Variants in SETX observed in about 807,000 individuals in gnomAD.
The protein encoded by SETX is senataxin, also known as helicase senataxin.
In SETX, 90 loss-of-function variants were observed where a neutral mutation model predicts 227.2. That is an observed-to-expected ratio of 0.40 (90% confidence interval 0.33 to 0.47). SETX has a LOEUF of 0.47. Ranked by LOEUF, SETX falls within the 20% of genes least tolerant of loss-of-function variation. The probability of loss-of-function intolerance (pLI) is 0.91; values close to 1 mark genes in which losing one functional copy is unlikely to be tolerated. For synonymous variants in SETX, 1,210 were observed against 1,113.2 expected, an observed-to-expected ratio of 1.09 and a Z score of -1.73; for missense variants, 3,052 against 3,181.5, an observed-to-expected ratio of 0.96 and a Z score of 0.98.
Position 132,264,638 on chromosome 9 carries a change from C to A in SETX, c.7635G>T (p.Met2545Ile). 6.2e-7 allele frequency: 1 copy of A among 1,614,250 alleles called. No homozygotes were observed. Among genetic ancestry groups the A allele is most frequent in the Non-Finnish European group, 8.5e-7 (1 of 1,180,050 alleles). Reference protein sequence around the residue: ...QLQDPRLLKRMGIEVKGGIFL... With the variant: ...QLQDPRLLKRIGIEVKGGIFL... ...ATATTCCTCCTTTGACCTCAATGCC[C>A]ATCCTCTTCAGCAGTCGTGGGTCCT... Residue 2545 changes from methionine to isoleucine, a missense_variant, in exon 26 of 26, where the codon ATG becomes ATT. Around this residue, in one of 10 missense-constraint regions of SETX, gnomAD observed 294 missense variants for 278.8 expected, o/e 1.05. Coordinates refer to ENST00000224140, the MANE Select transcript of SETX (RefSeq NM_015046.7).
Position 132,263,026 on chromosome 9 carries a change from T to G in SETX, c.*1213A>C, listed in dbSNP as rs1842471520. ...CGATCTCCATTCACCATGACCAATTTTTTCCCCCACAAAAGCACTATCACC... is the reference window on the plus strand; with the variant it reads ...CGATCTCCATTCACCATGACCAATTGTTTCCCCCACAAAAGCACTATCACC... On this transcript the variant is annotated 3_prime_UTR_variant, in exon 26 of 26. Coordinates refer to ENST00000224140, the MANE Select transcript of SETX (RefSeq NM_015046.7). 1 of 152,148 alleles carries G rather than the reference T, an allele frequency of 6.6e-6. No homozygotes were observed. The highest frequency in any genetic ancestry group is 2.1e-4 in the South Asian group (1 of 4,832). The allele number at this position is 152,148 out of a possible 1,614,324, so 9.4% of individuals were successfully genotyped here.
rs111843427 is a variant in SETX, at chr9:132,286,001, G to A, written c.6396+422C>T. Among the ~76,000 whole-genome samples the A allele has an allele frequency of 8.1e-3, 1,219 of 150,654 alleles. 19 individuals carry two copies. The highest frequency in any genetic ancestry group is 0.028 in the African/African-American group (1,136 of 40,962). ...AGATCCAGACCATCCTGGCCAACAC[G>A]GTGAAACCCCGTCTCTACTAACAAT... On this transcript the variant is annotated intron_variant, in intron 18 of 25. Transcript: ENST00000224140.
At chr9:132,318,974 G>T (rs1184834) in intron 10 of SETX, among the ~76,000 whole-genome samples, 47 of 152,056 alleles carry the variant, frequency 3.1e-4, no homozygotes, top group African/African-American at 1.1e-3. Flanking sequence ...CTCACAATAT[G>T]TATCAGTTTA....
intron 5 of SETX, among the ~76,000 whole-genome samples, chr9:132,341,121 T>C (rs540063499): frequency 8.5e-5 from 13 of 152,110 alleles, no homozygotes; most frequent in Admixed American, 3.3e-4. Flanking sequence ...CCGGGGTGGG[T>C]GCATCATTTG....
intron 11 of SETX, among the ~76,000 whole-genome samples, chr9:132,303,492 T>C (rs764214213): frequency 6.6e-6 from 1 of 151,542 alleles, no homozygotes; most frequent in South Asian, 2.1e-4. Flanking sequence ...AAATGCTTCT[T>C]AGGATACAAA....
Position 132,277,163 on chromosome 9 carries a change from A to G in SETX, c.6843-11T>C. The G allele has an allele frequency of 6.2e-7, 1 of 1,610,212 alleles. No individual in the cohort carries two copies. The highest frequency in any genetic ancestry group is 8.5e-7 in the Non-Finnish European group (1 of 1,178,618). On this transcript the variant is annotated splice_polypyrimidine_tract_variant and intron_variant, in intron 21 of 25. Transcript: ENST00000224140. The stretch of plus-strand genomic sequence containing the variant: ...ATGGCTTCTGTCTGTCTGTAAAAAA[A>G]AAAAAGCAGTCAACATTCAGAATAA...
At chr9:132,307,576 A>G (rs1393851199) in intron 11 of SETX, among the ~76,000 whole-genome samples, 1 of 152,182 alleles carries the variant, frequency 6.6e-6, no homozygotes, top group African/African-American at 2.4e-5. Flanking sequence ...CTCAGAGCCA[A>G]CTAGAAGGAG....
intron 11 of SETX, among the ~76,000 whole-genome samples, chr9:132,302,297 C>A (rs1326268904): frequency 7.2e-6 from 1 of 139,302 alleles, no homozygotes; most frequent in Middle Eastern, 3.8e-3. Context: ...GCGGAGCTTG[C>A]AGTGAGCCGA....
In SETX at chr9:132,327,221, G is replaced by A. The variant is rs748775010; in HGVS notation, c.4377C>T (p.Ser1459=). The A allele has an allele frequency of 5.6e-6, 9 of 1,614,186 alleles. No individual in the cohort carries two copies. Among genetic ancestry groups the A allele is most frequent in the East Asian group, 4.5e-5 (2 of 44,886 alleles). The change falls in exon 10 of 26, where the codon TCC becomes TCT. Residue 1459 remains serine, a synonymous_variant. Coordinates refer to ENST00000224140, the MANE Select transcript of SETX (RefSeq NM_015046.7). ...GTVPTNEVIV[S]TSEDPLGGGD... The stretch of plus-strand genomic sequence containing the variant: ...CTCCACCCAGAGGGTCTTCTGAAGT[G>A]GAGACAATTACTTCATTTGTTGGTA...
chr9:132,281,439 T>C (rs1843495259), intron 20 of SETX, 28 bp downstream of exon 20: 1 of 1,547,008 alleles, frequency 6.5e-7, no homozygotes, highest in African/African-American at 1.4e-5. Context: ...CCTTCCATTT[T>C]AAAGCAATCT....
chr9:132,331,247 T>G (rs1407430433), intron 8 of SETX, 30 bp downstream of exon 8: 1 of 1,613,202 alleles, frequency 6.2e-7, no homozygotes, highest in Non-Finnish European at 8.5e-7. Context: ...ATAGAGATGA[T>G]GTTTAAATCC....
Position 132,349,283 on chromosome 9 carries a change from T to G in SETX, c.146A>C (p.Lys49Thr). 6.2e-7 allele frequency: 1 copy of G among 1,614,168 alleles called. No homozygotes were observed. Among genetic ancestry groups the G allele is most frequent in the Non-Finnish European group, 8.5e-7 (1 of 1,180,024 alleles). The change falls in exon 3 of 26, where the codon AAA (lysine) becomes ACA (threonine). Residue 49 changes from lysine (K) to threonine (T), a missense_variant. By Grantham distance (78) the Lys-to-Thr change is moderately conservative (BLOSUM62 -1). Coordinates refer to ENST00000224140, the MANE Select transcript of SETX (RefSeq NM_015046.7). ...YCLECVAEYHKARDELPFLHE... is the reference protein window; with the variant it reads ...YCLECVAEYHTARDELPFLHE... The stretch of plus-strand genomic sequence containing the variant: ...CAAGAATGGCAATTCATCTCTTGCT[T>G]TGTGGTACTCAGCCACACACTCCAA...
At chr9:132,287,324 A>G (rs1843966662) in intron 17 of SETX, among the ~76,000 whole-genome samples, 1 of 152,114 alleles carries the variant, frequency 6.6e-6, no homozygotes, top group Non-Finnish European at 1.5e-5. Flanking sequence ...TTTCTACAGA[A>G]AACAAACAAA....
At chr9:132,346,139 G>T in intron 4 of SETX, 122 bp downstream of exon 4, 1 of 786,994 alleles carries the variant, frequency 1.3e-6, no homozygotes, top group Non-Finnish European at 2.1e-6. Context: ...AAAAAATGAA[G>T]TCCTAATTAT....
intron 23 of SETX, among the ~76,000 whole-genome samples, chr9:132,273,088 C>CAA (rs59172554): frequency 6.6e-6 from 1 of 151,450 alleles, no homozygotes; most frequent in East Asian, 1.9e-4. Context: ...AAAAAACACA[C>CAA]AAAAAATGCA....
At chr9:132,266,593 G>A (rs1314111686) in intron 25 of SETX, among the ~76,000 whole-genome samples, 1 of 152,124 alleles carries the variant, frequency 6.6e-6, no homozygotes, top group African/African-American at 2.4e-5. Flanking sequence ...GCAACATGGT[G>A]AAACCCCGTC....
rs1199659912 is a variant in SETX, at chr9:132,330,324, C to A, written c.1274G>T (p.Gly425Val). 6.2e-7 allele frequency: 1 copy of A among 1,612,884 alleles called. No individual in the cohort carries two copies. Among genetic ancestry groups the A allele is most frequent in the Non-Finnish European group, 8.5e-7 (1 of 1,179,124 alleles). Residue 425 changes from glycine to valine, a missense_variant, in exon 10 of 26, where the codon GGT (glycine) becomes GTT (valine). Physicochemically the swap from Gly to Val is moderately radical, Grantham distance 109 (BLOSUM62 -3). Around this residue, in one of 10 missense-constraint regions of SETX, gnomAD observed 179 missense variants for 197.1 expected, o/e 0.91. Coordinates refer to ENST00000224140, the MANE Select transcript of SETX (RefSeq NM_015046.7). ...AACAACCTGTGCTATGTAAGCCACA[C>A]CCAAATCCTTAAGATCCATGAGGGA... ...VQSLMDLKDL[G>V]VAYIAQVVNH...
chr9:132,343,872 C>T (rs1299395472), intron 4 of SETX, among the ~76,000 whole-genome samples: 6 of 152,034 alleles, frequency 3.9e-5, no homozygotes, highest in African/African-American at 1.2e-4. Context: ...TTTAGACAAA[C>T]AGTACAGGAA....
intron 10 of SETX, among the ~76,000 whole-genome samples, chr9:132,312,725 C>G (rs111964474): frequency 6.6e-6 from 1 of 152,166 alleles, no homozygotes; most frequent in Non-Finnish European, 1.5e-5. Flanking sequence ...TAGTCATGAT[C>G]AGTTTGTATC....
Sources: gnomAD v4.1 joint callset for allele counts (sites outside exome capture counted in the v4.1 genomes callset) on GRCh38, gnomAD v4.1.1 for gene constraint, gnomAD v4.1.1 regional missense constraint, MANE v1.5 for transcripts, NCBI Gene and HGNC (gene_info 2026-07-23, HGNC 2026-07-21) for gene names.